Variants in ADAMTS17 observed in about 807,000 individuals in gnomAD.
ADAMTS17 encodes A disintegrin and metalloproteinase with thrombospondin motifs 17.
Under a neutral mutation model 141.5 loss-of-function variants are expected in ADAMTS17, and 113 were observed. That is an observed-to-expected ratio of 0.80 (90% CI 0.69 to 0.93). The LOEUF is 0.93. Among genes scored for constraint, ADAMTS17 ranks in the 40% least tolerant of loss-of-function variants. The pLI is 0.00. For missense variants in ADAMTS17, 1,659 were observed against 1,517.9 expected (o/e 1.09, Z -1.54); for synonymous variants, 768 against 630.6 (o/e 1.22, Z -3.27).
intron 15 of ADAMTS17, 93 bp downstream of exon 15, chr15:100,096,263 T>G (rs1045402218): frequency 5.0e-6 from 8 of 1,592,374 alleles, no homozygotes; most frequent in Non-Finnish European, 6.8e-6. Context: ...ATCTAGCCCT[T>G]AAATATGAAA....
intron 13 of ADAMTS17, among the ~76,000 whole-genome samples, chr15:100,114,522 G>A (rs761715037): frequency 2.6e-5 from 4 of 152,182 alleles, no homozygotes; most frequent in Non-Finnish European, 5.9e-5. Context: ...GATGCAAGAA[G>A]TCAGGGCGAT....
chr15:100,299,442 A>C (rs2044946559), intron 3 of ADAMTS17, among the ~76,000 whole-genome samples: 1 of 151,904 alleles, frequency 6.6e-6, no homozygotes, highest in Non-Finnish European at 1.5e-5. Context: ...ACTTTTCAGC[A>C]AAGTCTACTG....
At chr15:100,107,389 A>T (rs1207915367) in intron 14 of ADAMTS17, among the ~76,000 whole-genome samples, 1 of 152,126 alleles carries the variant, frequency 6.6e-6, no homozygotes, top group Non-Finnish European at 1.5e-5. Context: ...TGCCTGCTCC[A>T]GACATCAGGA....
intron 8 of ADAMTS17, among the ~76,000 whole-genome samples, chr15:100,159,183 A>G (rs946020813): frequency 1.6e-4 from 24 of 152,244 alleles, no homozygotes; most frequent in African/African-American, 4.8e-4. Flanking sequence ...GTTCAGTTAC[A>G]GCATTATTCA....
chr15:100,240,698 T>G (rs930953587), intron 7 of ADAMTS17, among the ~76,000 whole-genome samples: 1 of 152,246 alleles, frequency 6.6e-6, no homozygotes, highest in Non-Finnish European at 1.5e-5. Context: ...TTTCATCTTG[T>G]CACTTCTAAG....
At chr15:100,304,480 T>C (rs1236428177) in intron 3 of ADAMTS17, among the ~76,000 whole-genome samples, 1 of 152,206 alleles carries the variant, frequency 6.6e-6, no homozygotes. Context: ...TGAGATTTGT[T>C]TCAAACTTCC....
rs1208116869 is a variant in ADAMTS17 at position 100,155,062 on chromosome 15, G to C, written c.1322+118C>G. On this transcript the variant is annotated intron_variant, in intron 9 of 21. Transcript: ENST00000268070. ...CTGCGCTGACCGCCTCCTGAGGCTA[G>C]ATGCAAATCCCAAAAGAGAGTCATT... 2.7e-6 allele frequency: 4 copies of C among 1,499,730 alleles called. No individual in the cohort carries two copies. The African/African-American group carries it at 5.5e-5, about 21-fold the overall frequency. 92.9% of individuals were successfully genotyped at this position (1,499,730 alleles called of 1,614,324 possible).
chr15:100,047,838 C>T (rs573125380), intron 18 of ADAMTS17, among the ~76,000 whole-genome samples: 12 of 152,308 alleles, frequency 7.9e-5, no homozygotes, highest in African/African-American at 2.4e-4. Flanking sequence ...GTTCGTGGTA[C>T]AGCTGCTCAT....
Position 100,281,918 on chromosome 15 carries a change from T to A in ADAMTS17, c.617-517A>T, listed in dbSNP as rs1399650664. On this transcript the variant is annotated intron_variant, in intron 3 of 21. Coordinates refer to ENST00000268070, the MANE Select transcript of ADAMTS17 (RefSeq NM_139057.4). ...GTAGACATAAAAACACTATGTTTTT[T>A]AAAAAAATACATAATCAGAAGGAAA... is the stretch of plus-strand genomic sequence containing the variant. 5.9e-5 allele frequency among the ~76,000 whole-genome samples: 9 copies of A among 152,248 alleles called. No homozygotes were observed. The South Asian group carries it at 1.9e-3, about 32-fold the overall frequency.
At chr15:99,984,809 C>T (rs2060552155) in intron 20 of ADAMTS17, among the ~76,000 whole-genome samples, 1 of 152,246 alleles carries the variant, frequency 6.6e-6, no homozygotes, top group South Asian at 2.1e-4. Flanking sequence ...TTACCAGCCA[C>T]ATGCAGGCAG....
At chr15:100,285,565 G>A (rs1369668142) in intron 3 of ADAMTS17, among the ~76,000 whole-genome samples, 1 of 152,230 alleles carries the variant, frequency 6.6e-6, no homozygotes, top group South Asian at 2.1e-4. Context: ...TACACAAGAA[G>A]AATCTCTGCA....
chr15:100,146,614 G>T (rs1191294051), intron 10 of ADAMTS17, among the ~76,000 whole-genome samples: 1 of 138,146 alleles, frequency 7.2e-6, no homozygotes, highest in Non-Finnish European at 1.6e-5. Flanking sequence ...AACAGCAATT[G>T]TTCAGGGAAT....
intron 6 of ADAMTS17, among the ~76,000 whole-genome samples, chr15:100,260,991 T>C (rs1281634323): frequency 6.6e-6 from 1 of 151,946 alleles, no homozygotes; most frequent in Non-Finnish European, 1.5e-5. Context: ...TCAAAGAGGG[T>C]TGAAAACATA....
intron 15 of ADAMTS17, among the ~76,000 whole-genome samples, chr15:100,073,664 CA>C (rs1157955272): frequency 6.8e-6 from 1 of 148,056 alleles, no homozygotes; most frequent in Admixed American, 7.0e-5. Context: ...ATCACAAGGA[CA>C]AAAAACCAAA....
chr15:100,089,386 A>T (rs1338222407), intron 15 of ADAMTS17, among the ~76,000 whole-genome samples: 1 of 143,890 alleles, frequency 6.9e-6, no homozygotes, highest in Non-Finnish European at 1.5e-5. Context: ...TGTTGGTGGG[A>T]TTGTAAACTA....
intron 3 of ADAMTS17, among the ~76,000 whole-genome samples, chr15:100,294,662 G>A (rs1054001369): frequency 5.3e-5 from 8 of 152,040 alleles, no homozygotes; most frequent in East Asian, 3.9e-4. Context: ...AGCCATGACC[G>A]TGCCACTGCA....
In ADAMTS17 at chr15:100,089,886, G is replaced by A. The variant is rs1026101861; in HGVS notation, c.2137+6470C>T. ...TTAGGAGATATACCTAATGTTAAATGACGAGTTAATGGGTGCAGCACACCA... is the reference window on the plus strand; with the variant it reads ...TTAGGAGATATACCTAATGTTAAATAACGAGTTAATGGGTGCAGCACACCA... On this transcript the variant is annotated intron_variant, in intron 15 of 21. Transcript: ENST00000268070. Among the ~76,000 whole-genome samples the A allele has an allele frequency of 2.0e-5, 3 of 151,246 alleles. No individual in the cohort carries two copies. In the East Asian group the frequency reaches 5.8e-4, roughly 29 times the overall value.
intron 7 of ADAMTS17, among the ~76,000 whole-genome samples, chr15:100,206,221 T>C (rs777261433): frequency 6.6e-6 from 1 of 152,220 alleles, no homozygotes; most frequent in Non-Finnish European, 1.5e-5. Flanking sequence ...AAGCCCTGTC[T>C]TCTAGCATTT....
At chr15:100,184,637 C>G (rs1423902097) in intron 8 of ADAMTS17, among the ~76,000 whole-genome samples, 1 of 152,202 alleles carries the variant, frequency 6.6e-6, no homozygotes, top group Non-Finnish European at 1.5e-5. Context: ...GGCAGAACCT[C>G]TGAGATCCAG....
Sources: allele counts gnomAD v4.1 joint callset (sites outside exome capture counted in the v4.1 genomes callset), GRCh38; gene constraint gnomAD v4.1.1; transcripts MANE v1.5; gene names NCBI Gene and HGNC (gene_info 2026-07-23, HGNC 2026-07-21).